NAA25: variants seen among roughly 807,000 people sequenced by gnomAD.
NAA25 encodes the protein N-alpha-acetyltransferase 25, NatB auxiliary subunit, also known as N-terminal acetyltransferase B complex subunit NAA25.
In NAA25, 30 loss-of-function variants were observed where a neutral mutation model predicts 132.5. The observed-to-expected ratio is 0.23, with a 90% CI of 0.17 to 0.31. The LOEUF is 0.31. Among genes scored for constraint, NAA25 ranks in the 10% least tolerant of loss-of-function variants. NAA25 has a pLI of 1.00. For missense variants in NAA25, 771 were observed against 1,150.4 expected, an observed-to-expected ratio of 0.67 and a Z score of 4.77; for synonymous variants, 359 against 401.9, an observed-to-expected ratio of 0.89 and a Z score of 1.28.
At chr12:112,108,669 G>GC (rs1212394319) in intron 1 of NAA25, 47 bp downstream of exon 1, 22 of 1,430,024 alleles carry the variant, frequency 1.5e-5, no homozygotes, top group Non-Finnish European at 1.9e-5. Context: ...AGCCTCGGCA[G>GC]CCCTCGGCGC....
intron 11 of NAA25, among the ~76,000 whole-genome samples, chr12:112,067,124 A>G (rs2078729474): frequency 6.6e-6 from 1 of 152,080 alleles, no homozygotes; most frequent in Non-Finnish European, 1.5e-5. Context: ...CCCTTGAACC[A>G]GGAGGCAGAG....
chr12:112,041,549 T>C (rs187886734), intron 20 of NAA25, among the ~76,000 whole-genome samples: 243 of 152,228 alleles, frequency 1.6e-3, no homozygotes, highest in Non-Finnish European at 2.7e-3. Context: ...TATTAAATTA[T>C]TGGGAATTTA....
chr12:112,077,550 G>C (rs1423133225), intron 7 of NAA25, among the ~76,000 whole-genome samples: 2 of 151,950 alleles, frequency 1.3e-5, no homozygotes, highest in African/African-American at 2.4e-5. Flanking sequence ...TTGGGAGGCT[G>C]AGATGGGAGA....
At chr12:112,090,624 A>G in intron 3 of NAA25, 102 bp downstream of exon 3, 2 of 1,182,162 alleles carry the variant, frequency 1.7e-6, no homozygotes, top group Non-Finnish European at 2.4e-6. Flanking sequence ...TACCTACTGT[A>G]TCCATTCAAA....
chr12:112,048,834 G>A (rs1283540116), intron 15 of NAA25, among the ~76,000 whole-genome samples: 1 of 152,058 alleles, frequency 6.6e-6, no homozygotes, highest in Non-Finnish European at 1.5e-5. Flanking sequence ...TTCATACAAA[G>A]GTTCCAAAAG....
chr12:112,041,125 G>A (rs1243026569), intron 20 of NAA25, among the ~76,000 whole-genome samples: 1 of 150,902 alleles, frequency 6.6e-6, no homozygotes, highest in Non-Finnish European at 1.5e-5. Flanking sequence ...AGTCCATCCT[G>A]AGCAACACAA....
At chr12:112,108,640 C>T in intron 1 of NAA25, 76 bp downstream of exon 1, 7 of 1,284,982 alleles carry the variant, frequency 5.4e-6, no homozygotes, top group Non-Finnish European at 7.0e-6. Context: ...CCTCAGCACC[C>T]CTCCTGGGCT....
intron 17 of NAA25, among the ~76,000 whole-genome samples, chr12:112,045,522 C>G: frequency 6.7e-6 from 1 of 149,892 alleles, no homozygotes; most frequent in South Asian, 2.1e-4. Flanking sequence ...GGGCTGGTTG[C>G]GATAGCTCAC....
At chr12:112,044,070 GGC>G (rs1645291259) in intron 17 of NAA25, among the ~76,000 whole-genome samples, 1 of 151,864 alleles carries the variant, frequency 6.6e-6, no homozygotes, top group African/African-American at 2.4e-5. Context: ...TGGGCCTACA[GGC>G]GCCTGCCACC....
chr12:112,063,870 G>A (rs985437033), intron 11 of NAA25: 5 of 152,092 alleles, frequency 3.3e-5, no homozygotes, highest in Non-Finnish European at 7.4e-5. Flanking sequence ...TAAGCCTTGC[G>A]ATACTATTTG....
chr12:112,061,595 C>T (rs2078630636), intron 11 of NAA25, among the ~76,000 whole-genome samples: 2 of 152,122 alleles, frequency 1.3e-5, no homozygotes, highest in African/African-American at 4.8e-5. Flanking sequence ...TCCAATGAAA[C>T]TGGCACACTC....
chr12:112,076,130 A>G (rs1000946268), intron 7 of NAA25, among the ~76,000 whole-genome samples: 4 of 152,088 alleles, frequency 2.6e-5, no homozygotes, highest in Non-Finnish European at 5.9e-5. Flanking sequence ...TGATCCACCC[A>G]TCCCAGCCTC....
intron 13 of NAA25, among the ~76,000 whole-genome samples, chr12:112,055,018 C>T (rs2078524180): frequency 6.6e-6 from 1 of 152,156 alleles, no homozygotes; most frequent in Non-Finnish European, 1.5e-5. Flanking sequence ...AAAATATTTA[C>T]TCAATAATCA....
At chr12:112,091,751 A>G (rs1014652819) in intron 2 of NAA25, among the ~76,000 whole-genome samples, 1 of 151,840 alleles carries the variant, frequency 6.6e-6, no homozygotes, top group African/African-American at 2.4e-5. Context: ...AGTCCCAGCT[A>G]TGCAGGAGGC....
chr12:112,070,793 C>G (rs2078793688), intron 10 of NAA25, among the ~76,000 whole-genome samples: 1 of 152,164 alleles, frequency 6.6e-6, no homozygotes, highest in Admixed American at 6.6e-5. Context: ...GTCACCCAGG[C>G]TAGAGTGCAG....
chr12:112,081,294 A>C (rs1161723048), intron 4 of NAA25, among the ~76,000 whole-genome samples, 160 bp from the exon 5 acceptor site: 2 of 152,238 alleles, frequency 1.3e-5, no homozygotes, highest in Non-Finnish European at 2.9e-5. Flanking sequence ...CAACAGCAGT[A>C]ATCACAAAGG....
chr12:112,107,541 G>C (rs1237209654), intron 1 of NAA25, among the ~76,000 whole-genome samples: 1 of 151,626 alleles, frequency 6.6e-6, no homozygotes, highest in East Asian at 1.9e-4. Flanking sequence ...CTATAGGATT[G>C]TTGCTAAAAT....
intron 5 of NAA25, among the ~76,000 whole-genome samples, chr12:112,079,775 A>T (rs1319352701): frequency 1.3e-5 from 2 of 152,074 alleles, no homozygotes; most frequent in African/African-American, 4.8e-5. Context: ...AAAAGAGCAA[A>T]CTGAGGCTCA....
Position 112,075,685 on chromosome 12 carries a change from G to T in NAA25, c.769C>A (p.Leu257Ile), listed in dbSNP as rs776679746. Reference sequence around the variant, plus strand: ...AAGAAAGCTTTTACTCACTTTTTTAGTAAGAGGCGCCGGGAAAGGGCATTG... The same window carrying T: ...AAGAAAGCTTTTACTCACTTTTTTATTAAGAGGCGCCGGGAAAGGGCATTG... ...ECNALSRRLLLKNSDDWQFYL... is the reference protein window; with the variant it reads ...ECNALSRRLLIKNSDDWQFYL... Residue 257 changes from leucine to isoleucine, a missense_variant, in exon 8 of 24, where the codon CTA (leucine) becomes ATA (isoleucine). By Grantham distance (5) the Leu-to-Ile change is conservative (BLOSUM62 2). Around this residue, in one of 3 missense-constraint regions of NAA25, gnomAD observed 417 missense variants for 733.8 expected, o/e 0.57. Coordinates refer to ENST00000261745, the MANE Select transcript of NAA25 (RefSeq NM_024953.4). 4 of 1,613,204 alleles carry T rather than the reference G, an allele frequency of 2.5e-6. No individual in the cohort carries two copies. In the African/African-American group the frequency reaches 5.3e-5, roughly 22 times the overall value.
Sources: gnomAD v4.1 joint callset for allele counts (sites outside exome capture counted in the v4.1 genomes callset) on GRCh38, gnomAD v4.1.1 for gene constraint, gnomAD v4.1.1 regional missense constraint, MANE v1.5 for transcripts, NCBI Gene and HGNC (gene_info 2026-07-23, HGNC 2026-07-21) for gene names.